ADAM23: variants seen among roughly 807,000 people sequenced by gnomAD.
ADAM23 encodes the protein ADAM metallopeptidase domain 23.
In ADAM23, 33 loss-of-function variants were observed where a neutral mutation model predicts 120.1. That is an observed-to-expected ratio of 0.27 (90% CI 0.21 to 0.37). The LOEUF (loss-of-function observed/expected upper bound fraction) is 0.37. ADAM23 is among the 10% of genes least tolerant of loss of function. ADAM23 has a pLI of 1.00. For synonymous variants in ADAM23, 367 were observed against 375.2 expected (o/e 0.98, Z 0.25); for missense variants, 862 against 1,058.2 (o/e 0.81, Z 2.57).
chr2:206,477,880 T>TAAAAAAAAAAAA (rs71034456), intron 2 of ADAM23, among the ~76,000 whole-genome samples: 7 of 109,168 alleles, frequency 6.4e-5, no homozygotes, highest in African/African-American at 2.3e-4. Flanking sequence ...AATATTCTGT[T>TAAAAAAAAAAAA]AAAAAAAAAA....
intron 2 of ADAM23, among the ~76,000 whole-genome samples, chr2:206,466,573 C>A (rs552020269): frequency 1.4e-4 from 22 of 152,266 alleles, no homozygotes; most frequent in African/African-American, 4.8e-4. Flanking sequence ...CCCTAATATG[C>A]CCTTATTTAC....
intron 21 of ADAM23, among the ~76,000 whole-genome samples, chr2:206,591,015 A>G (rs1214140024): frequency 3.3e-5 from 5 of 152,168 alleles, no homozygotes; most frequent in Admixed American, 2.0e-4. Flanking sequence ...AGGGAAATTA[A>G]TGTGTTTGAA....
intron 2 of ADAM23, among the ~76,000 whole-genome samples, chr2:206,480,199 C>T (rs899763700): frequency 1.3e-5 from 2 of 151,918 alleles, no homozygotes; most frequent in Non-Finnish European, 2.9e-5. Flanking sequence ...GCAGGTGGGA[C>T]GCCTTTGAAG....
chr2:206,534,240 A>G (rs1697128347), intron 4 of ADAM23, among the ~76,000 whole-genome samples: 1 of 152,182 alleles, frequency 6.6e-6, no homozygotes, highest in Non-Finnish European at 1.5e-5. Flanking sequence ...AGATTTGCCT[A>G]TTCTGGACAT....
chr2:206,535,975 T>C (rs1697164240), intron 4 of ADAM23, among the ~76,000 whole-genome samples: 1 of 152,210 alleles, frequency 6.6e-6, no homozygotes, highest in East Asian at 1.9e-4. Context: ...GATTTCTGAA[T>C]TATATCTAAA....
At chr2:206,556,950 A>T (rs183917142) in intron 9 of ADAM23, among the ~76,000 whole-genome samples, 75 of 152,340 alleles carry the variant, frequency 4.9e-4, no homozygotes, top group Non-Finnish European at 8.1e-4. Flanking sequence ...ATAAGCTACA[A>T]AATGTCATTT....
chr2:206,572,266 A>G (rs1559270457), intron 17 of ADAM23, among the ~76,000 whole-genome samples: 1 of 152,192 alleles, frequency 6.6e-6, no homozygotes. Context: ...AAGGCAAGAA[A>G]GTGAGATAGG....
chr2:206,449,454 T>C (rs185954601), intron 2 of ADAM23, among the ~76,000 whole-genome samples: 1 of 152,302 alleles, frequency 6.6e-6, no homozygotes, highest in East Asian at 1.9e-4. Flanking sequence ...AAGGAAGCTT[T>C]TCCTGAAACT....
intron 3 of ADAM23, among the ~76,000 whole-genome samples, chr2:206,496,412 A>T: frequency 6.6e-6 from 1 of 152,216 alleles, no homozygotes; most frequent in African/African-American, 2.4e-5. Context: ...CTGGGTACAT[A>T]ACGAAATGAA....
At chr2:206,614,415 C>CAGGACTTTGGT (rs1553565639) in intron 25 of ADAM23, among the ~76,000 whole-genome samples, 1 of 151,786 alleles carries the variant, frequency 6.6e-6, no homozygotes, top group Non-Finnish European at 1.5e-5. Flanking sequence ...CCTGTAATCC[C>CAGGACTTTGGT]AGGCTGAGGT....
chr2:206,577,541 C>T (rs13016266), intron 18 of ADAM23, among the ~76,000 whole-genome samples: 2,457 of 139,390 alleles, frequency 0.018, 29 homozygotes, highest in Middle Eastern at 0.036. Flanking sequence ...CGATAGTTTA[C>T]TGAGAATGAT....
intron 2 of ADAM23, among the ~76,000 whole-genome samples, chr2:206,450,899 A>G (rs898305623): frequency 2.0e-5 from 3 of 152,218 alleles, no homozygotes; most frequent in Admixed American, 6.5e-5. Flanking sequence ...GGGAAAACGA[A>G]GAAGACTAAC....
At chr2:206,569,437 G>A (rs917385187) in intron 15 of ADAM23, among the ~76,000 whole-genome samples, 33 of 152,150 alleles carry the variant, frequency 2.2e-4, no homozygotes, top group African/African-American at 7.7e-4. Flanking sequence ...TCAAAGAAGT[G>A]ACTTTTTCCC....
chr2:206,539,046 T>C (rs1697238758), intron 4 of ADAM23, among the ~76,000 whole-genome samples: 2 of 152,156 alleles, frequency 1.3e-5, no homozygotes, highest in South Asian at 4.1e-4. Flanking sequence ...TGGACATGGC[T>C]TCAATGTGTC....
At chr2:206,485,953 C>T (rs1696003735) in intron 3 of ADAM23, among the ~76,000 whole-genome samples, 1 of 152,168 alleles carries the variant, frequency 6.6e-6, no homozygotes, top group Admixed American at 6.5e-5. Context: ...ACAGCTGGGA[C>T]AGCAAGACAG....
chr2:206,443,926 C>A lies in ADAM23; in HGVS notation c.60C>A (p.Gly20=). ...CCCTGGCGGGCTGCAGCCTTGCCGG[C>A]GCTTCCTGCGGCCCCCAACGCGGCC... The part of the protein sequence containing the change: ...QPPLAGCSLA[G]ASCGPQRGPA... The change falls in exon 1 of 26, where the codon GGC becomes GGA. Residue 20 remains glycine (G), a synonymous_variant. Coordinates refer to ENST00000264377, the MANE Select transcript of ADAM23 (RefSeq NM_003812.4). 2 of 1,229,578 alleles carry A rather than the reference C, an allele frequency of 1.6e-6. No individual in the cohort carries two copies. Among genetic ancestry groups the A allele is most frequent in the Non-Finnish European group, 1.0e-6 (1 of 989,736 alleles). The allele number at this position is 1,229,578 out of a possible 1,614,324, so 76.2% of individuals were successfully genotyped here.
At chr2:206,522,804 A>AT (rs5838025) in intron 3 of ADAM23, among the ~76,000 whole-genome samples, 61,599 of 146,742 alleles carry the variant, frequency 0.42, 13,012 homozygotes, top group Admixed American at 0.53. Flanking sequence ...CTTGTGTTTA[A>AT]TTTTTTTTTT....
chr2:206,544,613 ATTTT>A (rs58554638), intron 6 of ADAM23, among the ~76,000 whole-genome samples: 2 of 132,788 alleles, frequency 1.5e-5, no homozygotes, highest in Non-Finnish European at 1.6e-5. Context: ...GGAGAGTTAA[ATTTT>A]TTTTTTTTTT....
chr2:206,596,080 T>C lies in ADAM23; in HGVS notation c.2277T>C (p.Cys759=), dbSNP rs1698519285. ...GVCSNEATCI[C]DFTWAGTDCS... is the part of the protein sequence containing the mutation. ...GTAGTAATGAAGCCACCTGCATTTG[T>C]GATTTCACCTGGGCAGGGACAGATT... Residue 759 remains cysteine, a synonymous_variant, in exon 24 of 26, where the codon TGT becomes TGC. Coordinates refer to ENST00000264377, the MANE Select transcript of ADAM23 (RefSeq NM_003812.4). The C allele has an allele frequency of 5.0e-6, 8 of 1,613,932 alleles. No homozygotes were observed. Among genetic ancestry groups the C allele is most frequent in the Admixed American group, 1.7e-5 (1 of 59,992 alleles).
Sources: allele counts gnomAD v4.1 joint callset (sites outside exome capture counted in the v4.1 genomes callset), GRCh38; gene constraint gnomAD v4.1.1; transcripts MANE v1.5; gene names NCBI Gene and HGNC (gene_info 2026-07-23, HGNC 2026-07-21).